Variants in MCTP1 observed in about 807,000 individuals in gnomAD.
MCTP1 encodes multiple C2 and transmembrane domain-containing protein 1.
A neutral mutation model predicts 120.6 loss-of-function variants in MCTP1; 69 were observed. The ratio of observed to expected loss-of-function variants is 0.57; its 90% CI spans 0.47 to 0.70. The LOEUF is 0.70. MCTP1 is among the 30% of genes least tolerant of loss of function. The pLI, the probability that MCTP1 is intolerant of heterozygous loss-of-function variation, is 0.00. For synonymous variants in MCTP1, 529 were observed against 493.1 expected (o/e 1.07, Z -0.96); for missense variants, 1,203 against 1,248.8 (o/e 0.96, Z 0.55).
At chr5:95,223,623 A>G (rs1753931957) in intron 1 of MCTP1, among the ~76,000 whole-genome samples, 1 of 152,206 alleles carries the variant, frequency 6.6e-6, no homozygotes, top group African/African-American at 2.4e-5. Context: ...TTTAATTACT[A>G]ACAATAACTC....
chr5:95,002,105 G>A (rs1309452904), intron 2 of MCTP1, among the ~76,000 whole-genome samples: 1 of 152,226 alleles, frequency 6.6e-6, no homozygotes, highest in Non-Finnish European at 1.5e-5. Context: ...CATTTATGGT[G>A]TTGAGCCTGT....
intron 1 of MCTP1, among the ~76,000 whole-genome samples, chr5:95,038,382 T>A (rs114404614): frequency 0.013 from 1,925 of 152,324 alleles, 16 homozygotes; most frequent in Middle Eastern, 0.027. Context: ...CATGATAATA[T>A]ACCAATATAA....
chr5:95,056,463 A>C (rs962259561), intron 1 of MCTP1, among the ~76,000 whole-genome samples: 1 of 152,226 alleles, frequency 6.6e-6, no homozygotes, highest in African/African-American at 2.4e-5. Context: ...GGTAAAATGT[A>C]TGCTATCTGA....
intron 12 of MCTP1, among the ~76,000 whole-genome samples, chr5:94,875,440 G>T (rs1798636145): frequency 6.6e-6 from 1 of 152,054 alleles, no homozygotes; most frequent in South Asian, 2.1e-4. Context: ...GGAGATAGTG[G>T]CAGGTCTCTG....
At chr5:94,888,848 T>C (rs1801898779) in intron 12 of MCTP1, 31 bp downstream of exon 12, 1 of 1,385,854 alleles carries the variant, frequency 7.2e-7, no homozygotes, top group Non-Finnish European at 1.0e-6. Flanking sequence ...CTGCTTGATC[T>C]GAGCAATAGG....
intron 19 of MCTP1, among the ~76,000 whole-genome samples, chr5:94,728,216 G>C (rs1762487325): frequency 6.6e-6 from 1 of 152,112 alleles, no homozygotes; most frequent in Admixed American, 6.5e-5. Flanking sequence ...GAGGGAGAAA[G>C]GGCAAGAAAA....
intron 1 of MCTP1, among the ~76,000 whole-genome samples, chr5:95,223,890 G>T (rs748734103): frequency 3.3e-5 from 5 of 152,144 alleles, no homozygotes; most frequent in Admixed American, 6.5e-5. Context: ...TTATCTGTGT[G>T]TTTTTTAAGA....
At chr5:94,893,835 G>A (rs532820096) in intron 11 of MCTP1, among the ~76,000 whole-genome samples, 1 of 152,286 alleles carries the variant, frequency 6.6e-6, no homozygotes, top group Admixed American at 6.5e-5. Context: ...CTAAACACCT[G>A]GCGGCACTGT....
In MCTP1 at chr5:94,799,098, T is replaced by C. The variant is rs1780665864; in HGVS notation, c.2471A>G (p.Tyr824Cys). ...TAACAACAAAACCAGTGGTATCATG[T>C]AGAGCTCAAAGTTCCAGACAACAAA... ...FLFVVWNFEL[Y>C]MIPLVLLLLL... Residue 824 changes from tyrosine (Y) to cysteine (C), a missense_variant, in exon 18 of 23, where the codon TAC (tyrosine) becomes TGC (cysteine). Tyr to Cys is a radical substitution (Grantham distance 194, BLOSUM62 -2). Coordinates refer to ENST00000515393, the MANE Select transcript of MCTP1 (RefSeq NM_024717.7). 4.3e-6 allele frequency: 7 copies of C among 1,612,070 alleles called. No individual in the cohort carries two copies. In the Admixed American group the frequency reaches 5.0e-5, roughly 12 times the overall value.
chr5:95,006,264 C>T (rs1234099140), intron 2 of MCTP1, among the ~76,000 whole-genome samples: 2 of 151,584 alleles, frequency 1.3e-5, no homozygotes, highest in East Asian at 3.9e-4. Context: ...TACACACATA[C>T]ACATAAACAC....
At chr5:95,179,675 G>A (rs908706259) in intron 1 of MCTP1, among the ~76,000 whole-genome samples, 1 of 152,172 alleles carries the variant, frequency 6.6e-6, no homozygotes, top group Non-Finnish European at 1.5e-5. Flanking sequence ...ACTGCTAAAA[G>A]GCGCTCTAAA....
intron 1 of MCTP1, among the ~76,000 whole-genome samples, chr5:95,250,840 T>G (rs1757314880): frequency 1.3e-5 from 2 of 152,194 alleles, no homozygotes; most frequent in South Asian, 4.1e-4. Context: ...TACTAATAGG[T>G]AGGCTTACAT....
intron 17 of MCTP1, among the ~76,000 whole-genome samples, chr5:94,827,997 C>T (rs1321767576): frequency 1.3e-5 from 2 of 151,984 alleles, no homozygotes; most frequent in African/African-American, 4.8e-5. Flanking sequence ...AGTTTGTTCT[C>T]TTGCTGGTGA....
intron 18 of MCTP1, among the ~76,000 whole-genome samples, chr5:94,797,294 C>G (rs1561653139): frequency 6.6e-6 from 1 of 152,086 alleles, no homozygotes; most frequent in African/African-American, 2.4e-5. Flanking sequence ...TAAGCCCCCC[C>G]TCATAGAATT....
At chr5:94,961,087 C>T (rs1581588206) in intron 2 of MCTP1, among the ~76,000 whole-genome samples, 1 of 152,164 alleles carries the variant, frequency 6.6e-6, no homozygotes, top group East Asian at 1.9e-4. Flanking sequence ...GAATACTATG[C>T]AGTCATAAAA....
At chr5:94,844,693 CTT>C (rs1052070463) in intron 17 of MCTP1, among the ~76,000 whole-genome samples, 7 of 152,282 alleles carry the variant, frequency 4.6e-5, no homozygotes. Context: ...TGTAGGAACA[CTT>C]TTCTGAACCT....
chr5:95,231,667 T>C (rs450060), intron 1 of MCTP1, among the ~76,000 whole-genome samples: 141,209 of 152,228 alleles, frequency 0.93, 65,603 homozygotes, highest in African/African-American at 0.98. Context: ...GAATGAAGAG[T>C]ACCAGAAATG....
intron 17 of MCTP1, among the ~76,000 whole-genome samples, chr5:94,840,077 C>T (rs1276096203): frequency 6.6e-6 from 1 of 152,034 alleles, no homozygotes; most frequent in Non-Finnish European, 1.5e-5. Context: ...GATACAGAGC[C>T]CCGTCCTTTG....
chr5:95,259,572 C>A (rs1307010981), intron 1 of MCTP1, among the ~76,000 whole-genome samples: 2 of 152,166 alleles, frequency 1.3e-5, no homozygotes, highest in African/African-American at 4.8e-5. Context: ...TTTAATAACA[C>A]CTTAATACAC....
Sources: gnomAD v4.1 joint callset for allele counts (sites outside exome capture counted in the v4.1 genomes callset) on GRCh38, gnomAD v4.1.1 for gene constraint, MANE v1.5 for transcripts, NCBI Gene and HGNC (gene_info 2026-07-23, HGNC 2026-07-21) for gene names.